CDH13: variants seen among roughly 807,000 people sequenced by gnomAD.
The protein encoded by CDH13 is cadherin 13.
In CDH13, 24 loss-of-function variants were observed where a neutral mutation model predicts 63.8. The observed-to-expected ratio is 0.38, with a 90% CI of 0.27 to 0.53. The LOEUF is 0.53. Ranked by LOEUF, CDH13 falls within the 20% of genes least tolerant of loss-of-function variation. The pLI is 0.85. For synonymous variants in CDH13, 503 were observed against 355.3 expected, an observed-to-expected ratio of 1.42 and a Z score of -4.67; for missense variants, 1,049 against 903.1, an observed-to-expected ratio of 1.16 and a Z score of -2.07.
At chr16:83,775,799 G>T (rs1429120917) in intron 11 of CDH13, among the ~76,000 whole-genome samples, 1 of 152,100 alleles carries the variant, frequency 6.6e-6, no homozygotes, top group African/African-American at 2.4e-5. Flanking sequence ...TCTTCACTGT[G>T]CCTTGGTTTT....
chr16:83,321,372 C>G (rs2090219938), intron 5 of CDH13, among the ~76,000 whole-genome samples: 9 of 152,154 alleles, frequency 5.9e-5, no homozygotes, highest in Admixed American at 5.2e-4. Context: ...AGGCACGTCA[C>G]TCACCCTTCA....
chr16:83,476,053 T>G (rs2073595610), intron 6 of CDH13, among the ~76,000 whole-genome samples: 2 of 152,240 alleles, frequency 1.3e-5, no homozygotes, highest in Admixed American at 1.3e-4. Context: ...TTATATTACC[T>G]TAAGCTGTAA....
chr16:83,484,709 T>A (rs2073847806), intron 6 of CDH13, among the ~76,000 whole-genome samples: 1 of 152,226 alleles, frequency 6.6e-6, no homozygotes, highest in Non-Finnish European at 1.5e-5. Context: ...GAAGTTCTCC[T>A]TATAGAGTTG....
At chr16:82,736,426 A>G (rs1462035) in intron 1 of CDH13, among the ~76,000 whole-genome samples, 52,234 of 152,038 alleles carry the variant, frequency 0.34, 9,640 homozygotes, top group South Asian at 0.44. Context: ...CATGTCAGAC[A>G]CAATGCTAGC....
At chr16:82,662,958 G>T (rs1912138886) in intron 1 of CDH13, among the ~76,000 whole-genome samples, 3 of 152,190 alleles carry the variant, frequency 2.0e-5, no homozygotes, top group African/African-American at 7.2e-5. Flanking sequence ...GTACATTGAT[G>T]ATTTCGAGTT....
chr16:82,771,175 C>T (rs1007016170), intron 1 of CDH13, among the ~76,000 whole-genome samples: 2 of 152,190 alleles, frequency 1.3e-5, no homozygotes, highest in South Asian at 4.1e-4. Context: ...TATCACAAGT[C>T]AGACCCAGAA....
chr16:83,327,249 C>T (rs964786781), intron 5 of CDH13, among the ~76,000 whole-genome samples: 1 of 152,172 alleles, frequency 6.6e-6, no homozygotes, highest in African/African-American at 2.4e-5. Flanking sequence ...AATGAATAAT[C>T]CCATGTAAAA....
chr16:83,410,444 A>T (rs1431908526), intron 6 of CDH13, among the ~76,000 whole-genome samples: 4 of 152,196 alleles, frequency 2.6e-5, no homozygotes, highest in African/African-American at 9.6e-5. Flanking sequence ...ATCTGACCAC[A>T]ATCTATAGAT....
At chr16:83,031,183 T>G (rs1255334157) in intron 2 of CDH13, among the ~76,000 whole-genome samples, 1 of 143,988 alleles carries the variant, frequency 6.9e-6, no homozygotes, top group African/African-American at 2.5e-5. Flanking sequence ...CATGCGCATG[T>G]ATACACCATA....
intron 2 of CDH13, among the ~76,000 whole-genome samples, chr16:82,868,313 C>T (rs950705754): frequency 1.3e-5 from 2 of 152,162 alleles, no homozygotes; most frequent in Non-Finnish European, 2.9e-5. Context: ...AAATGTTATG[C>T]TTTCACAGGT....
At chr16:82,714,409 ATGTCCC>A (rs1172408262) in intron 1 of CDH13, among the ~76,000 whole-genome samples, 2 of 152,112 alleles carry the variant, frequency 1.3e-5, no homozygotes, top group African/African-American at 4.8e-5. Flanking sequence ...ACTGTTACTG[ATGTCCC>A]TGTAAGAAGA....
chr16:82,888,177 G>A (rs889488379), intron 2 of CDH13, among the ~76,000 whole-genome samples: 1 of 152,190 alleles, frequency 6.6e-6, no homozygotes, highest in East Asian at 1.9e-4. Flanking sequence ...GTGTGTAGGT[G>A]CTACCGATTT....
chr16:82,726,174 A>C (rs540800041), intron 1 of CDH13, among the ~76,000 whole-genome samples: 1 of 152,302 alleles, frequency 6.6e-6, no homozygotes, highest in Non-Finnish European at 1.5e-5. Flanking sequence ...ACGGTAGGTT[A>C]TACAGCACCA....
At chr16:82,791,610 G>A (rs1233059406) in intron 1 of CDH13, among the ~76,000 whole-genome samples, 2 of 152,178 alleles carry the variant, frequency 1.3e-5, no homozygotes, top group East Asian at 1.9e-4. Context: ...CACCACTGTT[G>A]TTTGCTGCCG....
At chr16:83,186,275 A>G (rs1391310504) in intron 4 of CDH13, among the ~76,000 whole-genome samples, 3 of 151,952 alleles carry the variant, frequency 2.0e-5, no homozygotes, top group African/African-American at 7.3e-5. Flanking sequence ...AGTAGCTGGG[A>G]CTACGGGCAC....
chr16:83,014,930 A>G (rs1202398597), intron 2 of CDH13, among the ~76,000 whole-genome samples: 1 of 147,690 alleles, frequency 6.8e-6, no homozygotes, highest in Non-Finnish European at 1.5e-5. Flanking sequence ...ACAGTTGGTA[A>G]TTAATGAAAC....
chr16:83,761,266 T>C (rs1567578499), intron 11 of CDH13, among the ~76,000 whole-genome samples: 1 of 152,204 alleles, frequency 6.6e-6, no homozygotes. Flanking sequence ...GAATCGTGCT[T>C]CATAATAATT....
At chr16:83,294,557 A>G (rs2875784) in intron 5 of CDH13, among the ~76,000 whole-genome samples, 71,309 of 151,698 alleles carry the variant, frequency 0.47, 17,435 homozygotes, top group South Asian at 0.65. Context: ...GTTGTCACTA[A>G]TGATAAGATT....
chr16:83,746,905 A>G (rs1912635999), intron 10 of CDH13, among the ~76,000 whole-genome samples: 1 of 152,228 alleles, frequency 6.6e-6, no homozygotes, highest in Non-Finnish European at 1.5e-5. Flanking sequence ...ACCTCAAAAC[A>G]AGTAACATTT....
Sources: allele counts gnomAD v4.1 joint callset (sites outside exome capture counted in the v4.1 genomes callset), GRCh38; gene constraint gnomAD v4.1.1; transcripts MANE v1.5; gene names NCBI Gene and HGNC (gene_info 2026-07-23, HGNC 2026-07-21).